VSNL1: variants seen among roughly 807,000 people sequenced by gnomAD.
VSNL1 encodes the protein visinin-like protein 1.
A neutral mutation model predicts 20.4 loss-of-function variants in VSNL1; 6 were observed. That is an observed-to-expected ratio of 0.29 (90% CI 0.16 to 0.58). VSNL1 has a LOEUF of 0.58. Ranked by LOEUF, VSNL1 falls within the 20% of genes least tolerant of loss-of-function variation. The pLI, the probability that VSNL1 is intolerant of heterozygous loss-of-function variation, is 0.90. For synonymous variants in VSNL1, 93 were observed against 86.4 expected (o/e 1.08, Z -0.42); for missense variants, 100 against 234.5 (o/e 0.43, Z 3.75).
At chr2:17,640,075 C>G (rs1000460180) in intron 2 of VSNL1, among the ~76,000 whole-genome samples, 1 of 151,952 alleles carries the variant, frequency 6.6e-6, no homozygotes, top group African/African-American at 2.4e-5. Flanking sequence ...CACGGTGAAA[C>G]CCGGTCTCTA....
intron 3 of VSNL1, among the ~76,000 whole-genome samples, chr2:17,650,832 T>C (rs905439275): frequency 5.9e-5 from 9 of 152,218 alleles, no homozygotes; most frequent in Non-Finnish European, 1.2e-4. Context: ...CTTCAGTCTC[T>C]TCTTCTCCGT....
intron 2 of VSNL1, among the ~76,000 whole-genome samples, chr2:17,606,119 G>C (rs931708542): frequency 3.3e-5 from 5 of 152,204 alleles, no homozygotes; most frequent in Non-Finnish European, 7.3e-5. Context: ...CCAGCAGTTG[G>C]ACTCCATTGC....
chr2:17,641,122 CCATGACGCTGTGAAAT>C (rs745809887), intron 2 of VSNL1, among the ~76,000 whole-genome samples: 28 of 152,220 alleles, frequency 1.8e-4, no homozygotes, highest in Non-Finnish European at 2.9e-4. Context: ...ATCATTGTCA[CCATGACGCTGTGAAAT>C]GAGTTGGGTG....
intron 1 of VSNL1, among the ~76,000 whole-genome samples, chr2:17,560,197 C>CATATAT (rs34898980): frequency 4.7e-5 from 7 of 148,098 alleles, no homozygotes; most frequent in Admixed American, 3.4e-4. Context: ...AGGAAAACAT[C>CATATAT]ATATATATAT....
chr2:17,638,853 G>A (rs1417042207), intron 2 of VSNL1, among the ~76,000 whole-genome samples: 1 of 152,242 alleles, frequency 6.6e-6, no homozygotes, highest in Non-Finnish European at 1.5e-5. Context: ...GGAGAGAGCA[G>A]CATAGGAGGG....
intron 1 of VSNL1, among the ~76,000 whole-genome samples, chr2:17,559,845 G>T (rs1252969722): frequency 6.6e-6 from 1 of 151,868 alleles, no homozygotes; most frequent in African/African-American, 2.4e-5. Flanking sequence ...AATAAAAAAT[G>T]AAATAAGCAG....
At chr2:17,566,627 A>G (rs1405063638) in intron 1 of VSNL1, among the ~76,000 whole-genome samples, 2 of 152,156 alleles carry the variant, frequency 1.3e-5, no homozygotes, top group Non-Finnish European at 2.9e-5. Context: ...TTTGTTATAT[A>G]CATTGCAGAT....
intron 1 of VSNL1, among the ~76,000 whole-genome samples, chr2:17,581,630 C>T (rs1278087971): frequency 1.3e-5 from 2 of 152,130 alleles, no homozygotes; most frequent in Non-Finnish European, 2.9e-5. Context: ...ATAAAATATT[C>T]CTTACCCAAT....
intron 2 of VSNL1, among the ~76,000 whole-genome samples, chr2:17,622,592 G>GAAAGA (rs1558303719): frequency 8.0e-6 from 1 of 124,632 alleles, no homozygotes; most frequent in Non-Finnish European, 1.8e-5. Context: ...AAGAAAGAAA[G>GAAAGA]AAAGAAAGAA....
At chr2:17,622,541 AAAGAAAGAAAGAAAGAAAG>A (rs2103403947) in intron 2 of VSNL1, among the ~76,000 whole-genome samples, 2 of 36,224 alleles carry the variant, frequency 5.5e-5, no homozygotes, top group South Asian at 1.0e-3. Flanking sequence ...GAAAAGAAAG[AAAGAAAGAAAGAAAGAAAG>A]AAAGAAAGAA....
At chr2:17,587,031 C>G (rs1664491531) in intron 1 of VSNL1, among the ~76,000 whole-genome samples, 1 of 152,184 alleles carries the variant, frequency 6.6e-6, no homozygotes, top group Admixed American at 6.5e-5. Context: ...CAGCCTCTTT[C>G]CATACTTGCA....
At chr2:17,651,091 TAC>T (rs1240584926) in intron 3 of VSNL1, among the ~76,000 whole-genome samples, 1 of 152,212 alleles carries the variant, frequency 6.6e-6, no homozygotes, top group East Asian at 1.9e-4. Context: ...ATAAGCTCCC[TAC>T]AGAGTAGGTT....
At chr2:17,650,691 A>T (rs975931420) in intron 3 of VSNL1, among the ~76,000 whole-genome samples, 2 of 152,182 alleles carry the variant, frequency 1.3e-5, no homozygotes, top group Non-Finnish European at 2.9e-5. Context: ...GATGATTGCA[A>T]GAAACAGAAG....
chr2:17,550,802 G>A (rs1339253353), intron 1 of VSNL1, among the ~76,000 whole-genome samples: 1 of 152,150 alleles, frequency 6.6e-6, no homozygotes, highest in Non-Finnish European at 1.5e-5. Context: ...GAGCTGTTCT[G>A]ATTATGAAAA....
chr2:17,540,414 G>C (rs779973231), upstream of VSNL1, among the ~76,000 whole-genome samples: 14 of 152,258 alleles, frequency 9.2e-5, no homozygotes, highest in African/African-American at 3.1e-4. Flanking sequence ...GTCCAGGTGC[G>C]GGTTGCTCCG....
chr2:17,637,924 C>T (rs1024287515), intron 2 of VSNL1, among the ~76,000 whole-genome samples: 1 of 152,194 alleles, frequency 6.6e-6, no homozygotes, highest in Non-Finnish European at 1.5e-5. Context: ...CATAACTCCC[C>T]CACGGCCCTG....
intron 2 of VSNL1, among the ~76,000 whole-genome samples, chr2:17,616,302 G>A (rs774305493): frequency 6.6e-6 from 1 of 152,262 alleles, no homozygotes; most frequent in Non-Finnish European, 1.5e-5. Context: ...AAGCCCAGCA[G>A]GTTCCATGTG....
At chr2:17,556,961 C>A (rs1382680089) in intron 1 of VSNL1, among the ~76,000 whole-genome samples, 1 of 152,116 alleles carries the variant, frequency 6.6e-6, no homozygotes, top group Non-Finnish European at 1.5e-5. Flanking sequence ...CACCTTAGAA[C>A]ATTCAGGTGT....
At chr2:17,606,248 C>T (rs145284551) in intron 2 of VSNL1, among the ~76,000 whole-genome samples, 140 of 152,270 alleles carry the variant, frequency 9.2e-4, no homozygotes, top group Non-Finnish European at 1.6e-3. Flanking sequence ...AAAACATTGA[C>T]ATAAACGTCT....
Sources: gnomAD v4.1 joint callset for allele counts (sites outside exome capture counted in the v4.1 genomes callset) on GRCh38, gnomAD v4.1.1 for gene constraint, MANE v1.5 for transcripts, NCBI Gene and HGNC (gene_info 2026-07-23, HGNC 2026-07-21) for gene names.